The following RGS6 variants were observed in gnomAD, a reference collection of about 807,000 sequenced individuals.
The protein encoded by RGS6 is regulator of G protein signaling 6.
A neutral mutation model predicts 78.5 loss-of-function variants in RGS6; 30 were observed. The observed-to-expected ratio is 0.38, with a 90% CI of 0.29 to 0.52. RGS6 has a LOEUF of 0.52. RGS6 is among the 20% of genes least tolerant of loss of function. The pLI, the probability that RGS6 is intolerant of heterozygous loss-of-function variation, is 0.85. For synonymous variants in RGS6, 206 were observed against 206.0 expected, an observed-to-expected ratio of 1.00 and a Z score of 0.00; for missense variants, 495 against 609.7, an observed-to-expected ratio of 0.81 and a Z score of 1.98.
At chr14:72,476,682 C>T (rs1358105460) in intron 10 of RGS6, 60 bp from the exon 11 acceptor site, 3 of 1,430,136 alleles carry the variant, frequency 2.1e-6, no homozygotes, top group Non-Finnish European at 2.9e-6. Context: ...ACTAGCTGAC[C>T]CCTAAGCCAC....
chr14:72,323,582 A>G (rs530709237), intron 2 of RGS6, among the ~76,000 whole-genome samples: 19 of 151,876 alleles, frequency 1.3e-4, no homozygotes, highest in African/African-American at 4.6e-4. Context: ...TAGTCCGGGT[A>G]CCTGAGGTCA....
intron 2 of RGS6, among the ~76,000 whole-genome samples, chr14:72,165,747 C>G (rs2096916173): frequency 6.6e-6 from 1 of 152,178 alleles, no homozygotes; most frequent in South Asian, 2.1e-4. Flanking sequence ...ATTGCCTCTT[C>G]CTGTCAGTGT....
the RGS6 span, among the ~76,000 whole-genome samples, chr14:72,574,807 G>C: frequency 2.6e-5 from 4 of 152,194 alleles, no homozygotes; most frequent in African/African-American, 4.8e-5. Context: ...TCCATGAGCA[G>C]AGTGTGCAGT....
At chr14:72,216,451 G>A (rs1440658916) in intron 2 of RGS6, among the ~76,000 whole-genome samples, 1 of 152,170 alleles carries the variant, frequency 6.6e-6, no homozygotes, top group African/African-American at 2.4e-5. Context: ...CCAACACGAG[G>A]AATTATCAGT....
At chr14:72,107,560 C>A (rs1432491205) in intron 2 of RGS6, among the ~76,000 whole-genome samples, 3 of 152,182 alleles carry the variant, frequency 2.0e-5, no homozygotes, top group African/African-American at 4.8e-5. Context: ...TGACTTGATT[C>A]TTTTTTACTG....
intron 14 of RGS6, among the ~76,000 whole-genome samples, chr14:72,517,276 T>C (rs896792266): frequency 1.3e-5 from 2 of 152,200 alleles, no homozygotes; most frequent in Non-Finnish European, 2.9e-5. Flanking sequence ...CTACCTGTGA[T>C]TCCCGCTGCT....
intron 3 of RGS6, among the ~76,000 whole-genome samples, chr14:72,448,186 CGTTTGTAAGTGATGTACCATGAGTT>C (rs2095414039): frequency 6.6e-6 from 1 of 152,136 alleles, no homozygotes; most frequent in South Asian, 2.1e-4. Context: ...AGGTTCCCAC[CGTTTGTAAGTGATGTACCATGAGTT>C]GCTCTCAAGT....
At chr14:72,601,364 A>G in the RGS6 span, among the ~76,000 whole-genome samples, 1 of 149,804 alleles carries the variant, frequency 6.7e-6, no homozygotes, top group East Asian at 2.0e-4. Flanking sequence ...CACAGCTCCC[A>G]ACCCTCCCCT....
chr14:72,412,692 C>G (rs1242382572), intron 3 of RGS6, among the ~76,000 whole-genome samples: 2 of 152,234 alleles, frequency 1.3e-5, no homozygotes, highest in East Asian at 3.9e-4. Flanking sequence ...CGTGCTTTCT[C>G]TTGTGGGCAT....
In RGS6 at chr14:72,121,630, T is replaced by C. The variant is rs529506602; in HGVS notation, c.84+156755T>C. 3.3e-5 allele frequency among the ~76,000 whole-genome samples: 5 copies of C among 152,262 alleles called. No homozygotes were observed. In the East Asian group the frequency reaches 9.7e-4, roughly 29 times the overall value. ...TGCTGCCTTCTTTCTCATGGAAGCATTGGACAGCAGGGCAGCCCTAGTGAA... is the reference window on the plus strand; with the variant it reads ...TGCTGCCTTCTTTCTCATGGAAGCACTGGACAGCAGGGCAGCCCTAGTGAA... On this transcript the variant is annotated intron_variant, in intron 2 of 17. Transcript: ENST00000553525.
chr14:72,158,552 A>C (rs180773223), intron 2 of RGS6, among the ~76,000 whole-genome samples: 1 of 152,250 alleles, frequency 6.6e-6, no homozygotes, highest in African/African-American at 2.4e-5. Context: ...GGGTATTTCA[A>C]GACCCAGCAA....
intron 2 of RGS6, among the ~76,000 whole-genome samples, chr14:71,983,102 G>A (rs1249113470): frequency 1.3e-5 from 2 of 152,124 alleles, no homozygotes; most frequent in Non-Finnish European, 2.9e-5. Flanking sequence ...TGAGAGAGGA[G>A]GATTCAGGGC....
chr14:72,519,108 T>C (rs2023957), intron 15 of RGS6, among the ~76,000 whole-genome samples: 18,441 of 152,146 alleles, frequency 0.12, 1,175 homozygotes, highest in South Asian at 0.21. Flanking sequence ...ACTTCAACAG[T>C]GTGAAAAGTG....
intron 2 of RGS6, among the ~76,000 whole-genome samples, chr14:71,997,575 G>T (rs543676976): frequency 5.3e-5 from 8 of 152,256 alleles, no homozygotes; most frequent in South Asian, 4.1e-4. Flanking sequence ...TTAACCCTTG[G>T]TGCATATGGT....
chr14:72,409,838 T>A (rs1413940910), intron 3 of RGS6, among the ~76,000 whole-genome samples: 3 of 152,200 alleles, frequency 2.0e-5, no homozygotes, highest in African/African-American at 7.2e-5. Flanking sequence ...CTTGCAATAG[T>A]TTGCTGAGAA....
chr14:72,366,124 T>A (rs1401740791), intron 3 of RGS6, among the ~76,000 whole-genome samples: 1 of 152,206 alleles, frequency 6.6e-6, no homozygotes, highest in Non-Finnish European at 1.5e-5. Flanking sequence ...AGCCTTGAGA[T>A]AACATGCTCA....
At chr14:72,441,027 T>G (rs2095175804) in intron 3 of RGS6, among the ~76,000 whole-genome samples, 1 of 152,000 alleles carries the variant, frequency 6.6e-6, no homozygotes, top group Admixed American at 6.6e-5. Context: ...TGCATGCGAG[T>G]TGGGTGTCTG....
chr14:72,068,186 T>G (rs1597028714), intron 2 of RGS6, among the ~76,000 whole-genome samples: 2 of 149,616 alleles, frequency 1.3e-5, no homozygotes, highest in South Asian at 4.2e-4. Context: ...CAGGCTGGAG[T>G]GCAGTGGTAC....
intron 3 of RGS6, among the ~76,000 whole-genome samples, chr14:72,411,170 AT>A (rs1201598113): frequency 6.6e-6 from 1 of 152,092 alleles, no homozygotes; most frequent in Non-Finnish European, 1.5e-5. Context: ...CGGTATGGCC[AT>A]TTTCACGATA....
Sources: gnomAD v4.1 joint callset for allele counts (sites outside exome capture counted in the v4.1 genomes callset) on GRCh38, gnomAD v4.1.1 for gene constraint, MANE v1.5 for transcripts, NCBI Gene and HGNC (gene_info 2026-07-23, HGNC 2026-07-21) for gene names.